Variants in RABGAP1 observed in about 807,000 individuals in gnomAD.
RABGAP1 encodes the protein rab GTPase-activating protein 1.
RABGAP1 carries 23 observed loss-of-function variants against 137.6 expected under a neutral mutation model. The ratio of observed to expected loss-of-function variants is 0.17; its 90% CI spans 0.12 to 0.24. RABGAP1 has a LOEUF of 0.24. Among genes scored for constraint, RABGAP1 ranks in the 10% least tolerant of loss-of-function variants. The pLI is 1.00. For synonymous variants in RABGAP1, 451 were observed against 450.7 expected (o/e 1.00, Z -0.01); for missense variants, 906 against 1,275.8 (o/e 0.71, Z 4.42).
chr9:122,997,759 G>A lies in RABGAP1; in HGVS notation c.1204+398G>A, dbSNP rs1035912913. Among the ~76,000 whole-genome samples, 6 of 152,296 alleles carry A rather than the reference G, an allele frequency of 3.9e-5. No homozygotes were observed. In the South Asian group the frequency reaches 1.2e-3, roughly 32 times the overall value. On this transcript the variant is annotated intron_variant, in intron 9 of 25. Coordinates refer to ENST00000373647, the MANE Select transcript of RABGAP1 (RefSeq NM_012197.4). ...GGAATCACTGTTAGCAGTTTCTTGT[G>A]TAGCTCTTCAAATACTCTATGCATA...
At chr9:122,973,382 G>A (rs573138293) in intron 2 of RABGAP1, among the ~76,000 whole-genome samples, 62 of 151,962 alleles carry the variant, frequency 4.1e-4, no homozygotes, top group African/African-American at 1.3e-3. Context: ...GACTACAGGC[G>A]CCCACCACCA....
intron 21 of RABGAP1, among the ~76,000 whole-genome samples, chr9:123,094,970 T>G (rs1324724872): frequency 6.6e-6 from 1 of 152,164 alleles, no homozygotes; most frequent in African/African-American, 2.4e-5. Context: ...TCATTCCTGA[T>G]GTACGTCATT....
rs202090815 is a variant in RABGAP1, at chr9:122,945,147, CTTTTT to C, written c.-50+4066_-50+4070del. 1.8e-4 allele frequency among the ~76,000 whole-genome samples: 14 copies of C among 75,772 alleles called. 3 individuals carry two copies. The highest frequency in any genetic ancestry group is 1.7e-3 in the Admixed American group (11 of 6,314). The allele number at this position is 75,772 out of a possible 152,430, so 49.7% of individuals were successfully genotyped here. A position where few individuals can be genotyped will look rare whatever the true frequency, so the allele number is the denominator to read the frequency against. On this transcript the variant is annotated intron_variant, in intron 1 of 25. Transcript: ENST00000373647. ...CACCATGTATACATCATAGCTGTTGCTTTTTTTTTTTTTTTTAGCATAAACTGGTT... is the reference window on the plus strand; with the variant it reads ...CACCATGTATACATCATAGCTGTTGCTTTTTTTTTTTAGCATAAACTGGTT...
At chr9:123,060,860 A>G (rs1455416232) in intron 13 of RABGAP1, among the ~76,000 whole-genome samples, 2 of 152,258 alleles carry the variant, frequency 1.3e-5, no homozygotes, top group African/African-American at 2.4e-5. Flanking sequence ...ATTTGTTATT[A>G]TGTGAAAAAA....
chr9:122,963,827 T>G (rs1834983177), intron 2 of RABGAP1, among the ~76,000 whole-genome samples: 1 of 152,130 alleles, frequency 6.6e-6, no homozygotes, highest in Non-Finnish European at 1.5e-5. Flanking sequence ...AAAAATTGAT[T>G]CTTTGAAAAT....
chr9:123,059,244 C>G (rs990947061), intron 13 of RABGAP1, among the ~76,000 whole-genome samples: 1 of 152,064 alleles, frequency 6.6e-6, no homozygotes, highest in Non-Finnish European at 1.5e-5. Flanking sequence ...TTATGTCCCC[C>G]CAAAATTCAT....
chr9:123,074,933 A>G (rs985106492), intron 17 of RABGAP1, among the ~76,000 whole-genome samples: 1 of 152,202 alleles, frequency 6.6e-6, no homozygotes, highest in African/African-American at 2.4e-5. Context: ...ACTTAGTTAC[A>G]TGACCACACC....
At chr9:122,955,200 G>A (rs1834443364) in intron 1 of RABGAP1, among the ~76,000 whole-genome samples, 1 of 152,116 alleles carries the variant, frequency 6.6e-6, no homozygotes, top group African/African-American at 2.4e-5. Context: ...CTTAGCAAAG[G>A]TCTAAGTTAG....
chr9:123,082,296 T>G (rs1490422772), intron 19 of RABGAP1, among the ~76,000 whole-genome samples: 1 of 152,182 alleles, frequency 6.6e-6, no homozygotes, highest in Admixed American at 6.5e-5. Flanking sequence ...TCCATTGAAC[T>G]TCTCCCGCTT....
chr9:123,049,878 A>G (rs895699482), intron 13 of RABGAP1, among the ~76,000 whole-genome samples: 3 of 152,224 alleles, frequency 2.0e-5, no homozygotes, highest in East Asian at 1.9e-4. Flanking sequence ...TTTGCTTCTC[A>G]TAAACTGTGA....
At chr9:123,050,235 A>T (rs1244167545) in intron 13 of RABGAP1, among the ~76,000 whole-genome samples, 5 of 152,242 alleles carry the variant, frequency 3.3e-5, no homozygotes, top group African/African-American at 1.2e-4. Context: ...TAATTACTGA[A>T]TACCTAAACA....
At chr9:122,944,992 A>G (rs912928168) in intron 1 of RABGAP1, among the ~76,000 whole-genome samples, 3 of 151,992 alleles carry the variant, frequency 2.0e-5, no homozygotes, top group African/African-American at 7.2e-5. Flanking sequence ...AGGTACGTAA[A>G]GCAGAATTTG....
intron 19 of RABGAP1, chr9:123,077,139 TCTA>T (rs1251704134): frequency 2.6e-5 from 4 of 151,098 alleles, no homozygotes; most frequent in African/African-American, 9.7e-5. Flanking sequence ...CATGATTTCT[TCTA>T]CTGTGCTGGT....
In RABGAP1 at chr9:122,977,986, G is replaced by T. The variant is rs140008342; in HGVS notation, c.151-6499G>T. On this transcript the variant is annotated intron_variant, in intron 2 of 25. Coordinates refer to ENST00000373647, the MANE Select transcript of RABGAP1 (RefSeq NM_012197.4). ...GTGTTCTCAAATTGCATCTTTTGTG[G>T]AAATCATACTTTTTCTGTTTTATTT... 4.7e-4 allele frequency among the ~76,000 whole-genome samples: 71 copies of T among 152,302 alleles called. No homozygotes were observed. In the East Asian group the frequency reaches 0.012, roughly 25 times the overall value.
intron 13 of RABGAP1, among the ~76,000 whole-genome samples, chr9:123,021,470 C>T (rs187142129): frequency 3.1e-4 from 47 of 151,830 alleles, no homozygotes; most frequent in Non-Finnish European, 4.6e-4. Flanking sequence ...ATTACAGGTG[C>T]GCACCACCAT....
intron 12 of RABGAP1, among the ~76,000 whole-genome samples, chr9:123,017,950 G>A (rs58880750): frequency 1.3e-5 from 2 of 152,172 alleles, no homozygotes; most frequent in African/African-American, 4.8e-5. Flanking sequence ...TTAGATTTTA[G>A]TGGTAGTATT....
intron 10 of RABGAP1, among the ~76,000 whole-genome samples, chr9:123,003,943 TGAA>T (rs903806435): frequency 6.6e-6 from 1 of 152,246 alleles, no homozygotes; most frequent in Non-Finnish European, 1.5e-5. Context: ...GTTTTATAAA[TGAA>T]GAAGCTGATA....
At chr9:123,101,785 C>A in intron 25 of RABGAP1, 22 bp downstream of exon 25, 1 of 1,555,068 alleles carries the variant, frequency 6.4e-7, no homozygotes, top group Non-Finnish European at 8.7e-7. Context: ...AGAGCTCAGA[C>A]ATGTGCCTGC....
intron 13 of RABGAP1, among the ~76,000 whole-genome samples, chr9:123,043,050 A>G (rs961515792): frequency 6.6e-6 from 1 of 152,152 alleles, no homozygotes; most frequent in African/African-American, 2.4e-5. Context: ...GTGATTTCCA[A>G]CCCACAATTT....
Sources: allele counts gnomAD v4.1 joint callset (sites outside exome capture counted in the v4.1 genomes callset), GRCh38; gene constraint gnomAD v4.1.1; transcripts MANE v1.5; gene names NCBI Gene and HGNC (gene_info 2026-07-23, HGNC 2026-07-21).